DOK6: variants seen among roughly 807,000 people sequenced by gnomAD.
DOK6 encodes docking protein 6, also known as downstream of tyrosine kinase 6.
A neutral mutation model predicts 44.0 loss-of-function variants in DOK6; 22 were observed. That is an observed-to-expected ratio of 0.50 (90% CI 0.36 to 0.71). The LOEUF (loss-of-function observed/expected upper bound fraction) is 0.71, where lower values mean the gene tolerates loss of function less well. Ranked by LOEUF, DOK6 falls within the 30% of genes least tolerant of loss-of-function variation. DOK6 has a pLI of 0.00. For missense variants in DOK6, 340 were observed against 416.4 expected (o/e 0.82, Z 1.60); for synonymous variants, 166 against 145.5 (o/e 1.14, Z -1.01).
chr18:69,638,488 C>CTTT lies in DOK6; in HGVS notation c.289+38999_289+39001dup, dbSNP rs5825959. On this transcript the variant is annotated intron_variant, in intron 3 of 7. Transcript: ENST00000382713. ...AAACATTGATTTGGGTATACTTATT[C>CTTT]TTTTTTTTTTTGTAATATTAGAAAA... 2.9e-3 allele frequency among the ~76,000 whole-genome samples: 433 copies of CTTT among 148,976 alleles called. 3 individuals are homozygous for CTTT. The highest frequency in any genetic ancestry group is 7.1e-3 in the Middle Eastern group (2 of 280).
intron 2 of DOK6, among the ~76,000 whole-genome samples, chr18:69,567,570 G>C (rs539742222): frequency 6.6e-6 from 1 of 152,276 alleles, no homozygotes; most frequent in Admixed American, 6.5e-5. Flanking sequence ...CATAAAAACT[G>C]AATTAGACTA....
At chr18:69,434,233 A>G (rs1001526318) in intron 1 of DOK6, among the ~76,000 whole-genome samples, 2 of 152,172 alleles carry the variant, frequency 1.3e-5, no homozygotes, top group African/African-American at 2.4e-5. Context: ...ACAAATACCT[A>G]TTGATTTCTG....
intron 7 of DOK6, among the ~76,000 whole-genome samples, chr18:69,783,145 G>C (rs1980327418): frequency 6.6e-6 from 1 of 152,218 alleles, no homozygotes; most frequent in Admixed American, 6.5e-5. Context: ...TTACCTGAGA[G>C]AGCAGACAGC....
intron 1 of DOK6, among the ~76,000 whole-genome samples, chr18:69,553,242 C>G (rs1236409347): frequency 2.0e-5 from 3 of 152,148 alleles, no homozygotes; most frequent in African/African-American, 7.2e-5. Context: ...AGAACAAAGT[C>G]AAATTGTAAT....
chr18:69,749,325 A>G (rs1979091227), intron 6 of DOK6, among the ~76,000 whole-genome samples: 1 of 152,222 alleles, frequency 6.6e-6, no homozygotes, highest in South Asian at 2.1e-4. Flanking sequence ...TAAAAAAATG[A>G]AGGAACATAG....
chr18:69,699,481 CA>C (rs1470872631), intron 5 of DOK6, among the ~76,000 whole-genome samples: 3 of 151,438 alleles, frequency 2.0e-5, no homozygotes, highest in African/African-American at 7.3e-5. Context: ...AGGGAAAAAA[CA>C]AACAAAAAAC....
At chr18:69,698,807 A>G (rs1206836656) in intron 5 of DOK6, among the ~76,000 whole-genome samples, 1 of 152,164 alleles carries the variant, frequency 6.6e-6, no homozygotes, top group Non-Finnish European at 1.5e-5. Flanking sequence ...CATTCAAAAT[A>G]ATTTCAGTTT....
chr18:69,509,070 A>G (rs530004285), intron 1 of DOK6, among the ~76,000 whole-genome samples: 1 of 152,258 alleles, frequency 6.6e-6, no homozygotes, highest in South Asian at 2.1e-4. Flanking sequence ...ATCCTATTAC[A>G]TTTCCACCAT....
chr18:69,807,813 G>T (rs1446006199), intron 7 of DOK6, among the ~76,000 whole-genome samples: 1 of 151,604 alleles, frequency 6.6e-6, no homozygotes, highest in Admixed American at 6.6e-5. Flanking sequence ...ATAAATTATT[G>T]AAGGGAGAGA....
chr18:69,724,174 A>G (rs992573896), intron 5 of DOK6, among the ~76,000 whole-genome samples: 1 of 152,246 alleles, frequency 6.6e-6, no homozygotes, highest in Admixed American at 6.5e-5. Flanking sequence ...CTGAATAGAA[A>G]AAAATAGTGG....
At chr18:69,732,965 T>C (rs1032152636) in intron 5 of DOK6, among the ~76,000 whole-genome samples, 4 of 152,130 alleles carry the variant, frequency 2.6e-5, no homozygotes, top group African/African-American at 9.7e-5. Context: ...ACAGGAAACA[T>C]AGCTGGGAGG....
intron 5 of DOK6, among the ~76,000 whole-genome samples, chr18:69,708,749 A>C (rs1317535719): frequency 2.1e-5 from 3 of 144,886 alleles, no homozygotes; most frequent in African/African-American, 7.7e-5. Flanking sequence ...ACGCCATTGC[A>C]CTCTAGCCTG....
rs191514852 is a variant in DOK6, at chr18:69,591,299, G to A, written c.175-8085G>A. ...ACTGATATGGGATGGCTGTCTTGAG[G>A]AGAGCACATGTGTGATGGTTGAAGT... On this transcript the variant is annotated intron_variant, in intron 2 of 7. Transcript: ENST00000382713. 2.0e-4 allele frequency among the ~76,000 whole-genome samples: 30 copies of A among 152,204 alleles called. No homozygotes were observed. The East Asian group carries it at 5.8e-3, about 29-fold the overall frequency.
At chr18:69,581,147 T>C (rs1244361884) in intron 2 of DOK6, among the ~76,000 whole-genome samples, 1 of 152,250 alleles carries the variant, frequency 6.6e-6, no homozygotes, top group African/African-American at 2.4e-5. Context: ...AACAGTGTCA[T>C]ATGACATGAC....
At chr18:69,692,935 C>G (rs1986300430) in intron 4 of DOK6, among the ~76,000 whole-genome samples, 2 of 152,032 alleles carry the variant, frequency 1.3e-5, no homozygotes, top group South Asian at 2.1e-4. Flanking sequence ...AATATTTAAG[C>G]CTCATGAGGG....
At chr18:69,617,733 G>GAAAGAAAGAAAGAAA (rs1568312831) in intron 3 of DOK6, among the ~76,000 whole-genome samples, 1 of 45,392 alleles carries the variant, frequency 2.2e-5, no homozygotes, top group African/African-American at 5.2e-5. Context: ...GAAAAAAGGG[G>GAAAGAAAGAAAGAAA]GAAGGAGGGA....
chr18:69,578,264 T>A (rs1009809484), intron 2 of DOK6, among the ~76,000 whole-genome samples: 6 of 152,136 alleles, frequency 3.9e-5, no homozygotes, highest in African/African-American at 4.8e-5. Flanking sequence ...TAGTATAATT[T>A]AAACAACATA....
chr18:69,749,606 T>C (rs1225475098), intron 6 of DOK6, among the ~76,000 whole-genome samples: 1 of 152,140 alleles, frequency 6.6e-6, no homozygotes, highest in African/African-American at 2.4e-5. Context: ...TTCATCCCTT[T>C]CCTATCTTAC....
intron 6 of DOK6, among the ~76,000 whole-genome samples, chr18:69,741,443 C>G (rs1045195295): frequency 7.2e-5 from 11 of 152,134 alleles, no homozygotes; most frequent in African/African-American, 2.2e-4. Context: ...CAAAGTTTTC[C>G]AGTTCTCCAG....
Sources: gnomAD v4.1 joint callset for allele counts (sites outside exome capture counted in the v4.1 genomes callset) on GRCh38, gnomAD v4.1.1 for gene constraint, MANE v1.5 for transcripts, NCBI Gene and HGNC (gene_info 2026-07-23, HGNC 2026-07-21) for gene names.